Variants in TMEM143 observed in about 807,000 individuals in gnomAD.
TMEM143 encodes transmembrane protein 143.
A neutral mutation model predicts 40.3 loss-of-function variants in TMEM143; 45 were observed. That is an observed-to-expected ratio of 1.12 (90% confidence interval 0.88 to 1.43). The LOEUF (loss-of-function observed/expected upper bound fraction) is 1.43, where lower values mean the gene tolerates loss of function less well. TMEM143 is among the 40% of genes most tolerant of loss of function. TMEM143 has a pLI of 0.00. For synonymous variants in TMEM143, 299 were observed against 282.7 expected (o/e 1.06, Z -0.58); for missense variants, 620 against 613.4 (o/e 1.01, Z -0.11).
Position 48,360,144 on chromosome 19 carries a change from A to G in TMEM143, c.297T>C (p.Ala99=), listed in dbSNP as rs1273336679. The change falls in exon 3 of 8, where the codon GCT becomes GCC. Residue 99 remains alanine (A), a synonymous_variant. Coordinates refer to ENST00000293261, the MANE Select transcript of TMEM143 (RefSeq NM_018273.4). ...EFHSSPAEKA[A]LEAFSAHVDF... is the part of the protein sequence containing the mutation. Reference sequence around the variant, plus strand: ...CCACGTGGGCCGAGAACGCCTCCAAAGCCGCCTTCTCTGCCGGACTCGAGT... The same window carrying G: ...CCACGTGGGCCGAGAACGCCTCCAAGGCCGCCTTCTCTGCCGGACTCGAGT... 9.3e-6 allele frequency: 15 copies of G among 1,614,130 alleles called. No homozygotes were observed. The South Asian group carries it at 1.5e-4, about 17-fold the overall frequency.
intron 3 of TMEM143, among the ~76,000 whole-genome samples, chr19:48,352,251 A>AAAAAAAAAAAAAAAAAAAAAAAAACAAAC (rs1569033843): frequency 2.7e-5 from 4 of 147,934 alleles, no homozygotes; most frequent in African/African-American, 1.0e-4. Flanking sequence ...TGTCTCAAAA[A>AAAAAAAAAAAAAAAAAAAAAAAAACAAAC]AAAAAAAAAA....
intron 6 of TMEM143, among the ~76,000 whole-genome samples, chr19:48,339,713 G>GT (rs201977498): frequency 0.011 from 1,608 of 152,082 alleles, 32 homozygotes; most frequent in African/African-American, 0.035. Context: ...AGGGCCAACT[G>GT]TTTTTTTGTT....
At chr19:48,336,430 C>T (rs62131984) in intron 6 of TMEM143, among the ~76,000 whole-genome samples, 8,813 of 151,982 alleles carry the variant, frequency 0.058, 396 homozygotes, top group African/African-American at 0.12. Context: ...GAGGCTGAGG[C>T]AGGAGAGTCG....
chr19:48,357,934 G>A (rs1001516360), intron 3 of TMEM143, among the ~76,000 whole-genome samples: 1 of 151,582 alleles, frequency 6.6e-6, no homozygotes, highest in African/African-American at 2.4e-5. Context: ...CTCAGGGAGG[G>A]GGGTTGGGAT....
intron 6 of TMEM143, among the ~76,000 whole-genome samples, chr19:48,341,920 C>A (rs528797477): frequency 1.3e-5 from 2 of 151,950 alleles, no homozygotes; most frequent in African/African-American, 4.8e-5. Context: ...ATTTCATGCT[C>A]ACAACCCTAC....
chr19:48,338,357 T>G (rs938066914), intron 6 of TMEM143, among the ~76,000 whole-genome samples: 2 of 152,074 alleles, frequency 1.3e-5, no homozygotes, highest in Non-Finnish European at 2.9e-5. Context: ...CTGCTCATGG[T>G]CCTCCCATGG....
chr19:48,357,100 T>G, intron 3 of TMEM143, among the ~76,000 whole-genome samples: 1 of 151,414 alleles, frequency 6.6e-6, no homozygotes, highest in East Asian at 2.0e-4. Flanking sequence ...AGACGGGGAT[T>G]CATCATGTTG....
chr19:48,342,659 G>A lies in TMEM143; in HGVS notation c.846C>T (p.Asn282=). 2.5e-6 allele frequency: 4 copies of A among 1,614,138 alleles called. No individual in the cohort carries two copies. The highest frequency in any genetic ancestry group is 1.3e-5 in the African/African-American group (1 of 75,062). ...CCACGCCGGAGACTACCAGCATGAGGTTGAGCAGGGCGCGCTGCAGGGTGG... is the reference window on the plus strand; with the variant it reads ...CCACGCCGGAGACTACCAGCATGAGATTGAGCAGGGCGCGCTGCAGGGTGG... The part of the protein sequence containing the change: ...RTPTLQRALL[N]LMLVVSGVAI... The change falls in exon 6 of 8, where the codon AAC becomes AAT. Residue 282 remains asparagine, a synonymous_variant. Coordinates refer to ENST00000293261, the MANE Select transcript of TMEM143 (RefSeq NM_018273.4).
intron 6 of TMEM143, among the ~76,000 whole-genome samples, chr19:48,337,935 C>A (rs1461972887): frequency 6.6e-6 from 1 of 152,294 alleles, no homozygotes; most frequent in South Asian, 2.1e-4. Flanking sequence ...GCCGATGGAG[C>A]TGAATTCTAG....
intron 3 of TMEM143, among the ~76,000 whole-genome samples, chr19:48,347,954 G>A (rs1331226033): frequency 3.4e-5 from 5 of 148,974 alleles, no homozygotes; most frequent in Non-Finnish European, 5.9e-5. Flanking sequence ...CCAGGAGGTT[G>A]AGGCTGCAGT....
intron 3 of TMEM143, among the ~76,000 whole-genome samples, chr19:48,348,785 T>C (rs1969701846): frequency 6.6e-6 from 1 of 152,166 alleles, no homozygotes; most frequent in Non-Finnish European, 1.5e-5. Context: ...CTCCCAAGGC[T>C]TCTACTGCCC....
At chr19:48,341,296 G>A (rs748705164) in intron 6 of TMEM143, among the ~76,000 whole-genome samples, 1 of 152,184 alleles carries the variant, frequency 6.6e-6, no homozygotes. Context: ...CTGGCCCCTG[G>A]GCCACGAATC....
At chr19:48,342,932 A>G in intron 5 of TMEM143, 123 bp from the exon 6 acceptor site, 2 of 1,213,274 alleles carry the variant, frequency 1.6e-6, no homozygotes, top group Non-Finnish European at 2.2e-6. Flanking sequence ...CGACTCAGTA[A>G]TCATGGGGAA....
chr19:48,359,925 T>C (rs1273383328), intron 3 of TMEM143, 147 bp downstream of exon 3: 1 of 694,116 alleles, frequency 1.4e-6, no homozygotes, highest in Non-Finnish European at 2.4e-6. Flanking sequence ...GTTGGCTCCA[T>C]GAGGGCGTCA....
At chr19:48,358,429 T>C (rs913126031) in intron 3 of TMEM143, among the ~76,000 whole-genome samples, 15 of 151,500 alleles carry the variant, frequency 9.9e-5, no homozygotes, top group Admixed American at 9.9e-4. Context: ...CATAAATAAA[T>C]GGTAGCTCAA....
chr19:48,348,025 C>CAAAAAA (rs556686693), intron 3 of TMEM143, among the ~76,000 whole-genome samples: 146 of 103,224 alleles, frequency 1.4e-3, no homozygotes, highest in African/African-American at 2.0e-3. Flanking sequence ...GACCCTGTCT[C>CAAAAAA]AAAAAAAAAA....
intron 5 of TMEM143, 144 bp downstream of exon 5, chr19:48,343,177 A>G: frequency 9.5e-7 from 1 of 1,054,038 alleles, no homozygotes; most frequent in South Asian, 1.7e-5. Context: ...AGAAGAAAAG[A>G]CAGCATTTGG....
At chr19:48,352,255 A>AAAAAAAAAAAAAC (rs1271099227) in intron 3 of TMEM143, among the ~76,000 whole-genome samples, 1 of 148,198 alleles carries the variant, frequency 6.7e-6, no homozygotes, top group Non-Finnish European at 1.5e-5. Context: ...TCAAAAAAAA[A>AAAAAAAAAAAAAC]AAAAAAACAC....
chr19:48,349,607 C>T (rs570853963), intron 3 of TMEM143, among the ~76,000 whole-genome samples: 1 of 151,400 alleles, frequency 6.6e-6, no homozygotes, highest in Non-Finnish European at 1.5e-5. Flanking sequence ...ATCGCACCAA[C>T]TGCACTCCAG....
Sources: allele counts gnomAD v4.1 joint callset (sites outside exome capture counted in the v4.1 genomes callset), GRCh38; gene constraint gnomAD v4.1.1; transcripts MANE v1.5; gene names NCBI Gene and HGNC (gene_info 2026-07-23, HGNC 2026-07-21).